The following NKAIN2 variants were observed in gnomAD, a reference collection of about 807,000 sequenced individuals.
The protein encoded by NKAIN2 is sodium/potassium-transporting ATPase subunit beta-1-interacting protein 2.
In NKAIN2, 14 loss-of-function variants were observed where a neutral mutation model predicts 32.6. The observed-to-expected ratio is 0.43, with a 90% CI of 0.28 to 0.67. NKAIN2 has a LOEUF of 0.67. Among genes scored for constraint, NKAIN2 ranks in the 30% least tolerant of loss-of-function variants. The probability of loss-of-function intolerance (pLI) is 0.17; values close to 1 mark genes in which losing one functional copy is unlikely to be tolerated. For synonymous variants in NKAIN2, 80 were observed against 87.2 expected (o/e 0.92, Z 0.46); for missense variants, 198 against 258.3 (o/e 0.77, Z 1.60).
At chr6:124,507,188 C>T (rs1013336930) in intron 3 of NKAIN2, among the ~76,000 whole-genome samples, 3 of 152,102 alleles carry the variant, frequency 2.0e-5, no homozygotes, top group African/African-American at 7.2e-5. Flanking sequence ...GCAAAGTACG[C>T]GAGGGTTTGT....
chr6:124,759,208 G>T (rs1012659623), intron 4 of NKAIN2, among the ~76,000 whole-genome samples: 1 of 152,084 alleles, frequency 6.6e-6, no homozygotes, highest in East Asian at 1.9e-4. Flanking sequence ...ATGTAATCTT[G>T]TTTTCCACAA....
intron 1 of NKAIN2, among the ~76,000 whole-genome samples, chr6:124,190,061 A>C (rs1007965216): frequency 6.6e-6 from 1 of 152,242 alleles, no homozygotes. Flanking sequence ...GCACATGGCC[A>C]CAAACATATG....
chr6:123,938,503 A>G (rs1423384947), intron 1 of NKAIN2, among the ~76,000 whole-genome samples: 1 of 138,022 alleles, frequency 7.2e-6, no homozygotes, highest in Non-Finnish European at 1.5e-5. Flanking sequence ...ATATTTATAT[A>G]TAATATATTA....
At chr6:124,071,878 GA>G (rs1313470565) in intron 1 of NKAIN2, among the ~76,000 whole-genome samples, 1 of 152,112 alleles carries the variant, frequency 6.6e-6, no homozygotes, top group Non-Finnish European at 1.5e-5. Context: ...TTATTGGTGG[GA>G]ATGTAAATTA....
intron 1 of NKAIN2, among the ~76,000 whole-genome samples, chr6:124,267,719 ATACAT>A (rs1344602207): frequency 6.6e-6 from 1 of 152,204 alleles, no homozygotes; most frequent in East Asian, 1.9e-4. Flanking sequence ...GCAGTGATAG[ATACAT>A]ATCTGACATA....
chr6:124,438,266 T>G (rs1775545226), intron 3 of NKAIN2, among the ~76,000 whole-genome samples: 1 of 138,102 alleles, frequency 7.2e-6, no homozygotes, highest in Non-Finnish European at 1.7e-5. Flanking sequence ...TTCTATAATG[T>G]TTTTTTTCCA....
intron 1 of NKAIN2, among the ~76,000 whole-genome samples, chr6:124,225,072 T>C (rs1792036410): frequency 6.6e-6 from 1 of 152,162 alleles, no homozygotes; most frequent in South Asian, 2.1e-4. Flanking sequence ...ATTCTAGAGA[T>C]GTTTATTGAG....
intron 4 of NKAIN2, among the ~76,000 whole-genome samples, chr6:124,777,966 C>CACACACACAA (rs1170970478): frequency 6.6e-6 from 1 of 151,612 alleles, no homozygotes; most frequent in Non-Finnish European, 1.5e-5. Flanking sequence ...CACACACACA[C>CACACACACAA]ACACACACAA....
chr6:124,455,623 TTTTATTAATTA>T (rs1436647270), intron 3 of NKAIN2, among the ~76,000 whole-genome samples: 6 of 151,810 alleles, frequency 4.0e-5, no homozygotes, highest in African/African-American at 1.4e-4. Flanking sequence ...TTATTAATAT[TTTTATTAATTA>T]TGAAAGTAAT....
chr6:124,060,193 C>A (rs544847139), intron 1 of NKAIN2, among the ~76,000 whole-genome samples: 25 of 152,280 alleles, frequency 1.6e-4, no homozygotes, highest in Admixed American at 1.4e-3. Flanking sequence ...CAATCACAAT[C>A]ACATTTGGCT....
At chr6:124,489,468 T>C (rs1054217446) in intron 3 of NKAIN2, among the ~76,000 whole-genome samples, 4 of 151,878 alleles carry the variant, frequency 2.6e-5, no homozygotes, top group Non-Finnish European at 5.9e-5. Flanking sequence ...TCATCATAAG[T>C]TGAAAATGTA....
rs118043019 is a variant in NKAIN2 at position 123,938,975 on chromosome 6, C to T, written c.54+134721C>T. On this transcript the variant is annotated intron_variant, in intron 1 of 6. Coordinates refer to ENST00000368417, the MANE Select transcript of NKAIN2 (RefSeq NM_001040214.3). ...TAAAATTTTGGTGACTAAGATAAGG[C>T]AAAGGGAGGTTTTAAGAATCAGGCA... Among the ~76,000 whole-genome samples, 1,125 of 151,868 alleles carry T rather than the reference C, an allele frequency of 7.4e-3. 6 individuals carry two copies. The highest frequency in any genetic ancestry group is 0.012 in the Non-Finnish European group (830 of 67,904).
At chr6:124,308,358 A>G (rs1173110884) in intron 2 of NKAIN2, among the ~76,000 whole-genome samples, 2 of 152,294 alleles carry the variant, frequency 1.3e-5, no homozygotes, top group South Asian at 2.1e-4. Context: ...TAGAAGATTT[A>G]TCAAACTCCA....
At chr6:124,313,916 C>T (rs921038311) in intron 2 of NKAIN2, among the ~76,000 whole-genome samples, 2 of 152,080 alleles carry the variant, frequency 1.3e-5, no homozygotes, top group Non-Finnish European at 2.9e-5. Flanking sequence ...CAAAAATGCC[C>T]TATTGAATAA....
chr6:124,040,988 T>C (rs1781846196), intron 1 of NKAIN2, among the ~76,000 whole-genome samples: 1 of 152,052 alleles, frequency 6.6e-6, no homozygotes, highest in African/African-American at 2.4e-5. Flanking sequence ...TGTACAACTA[T>C]TGAAGGACTC....
At chr6:124,534,232 C>G (rs184975796) in intron 3 of NKAIN2, among the ~76,000 whole-genome samples, 2 of 151,790 alleles carry the variant, frequency 1.3e-5, no homozygotes, top group Non-Finnish European at 2.9e-5. Context: ...GCTCAGTGAA[C>G]TTCTGCCTTC....
intron 1 of NKAIN2, among the ~76,000 whole-genome samples, chr6:123,878,501 GCTTGCTTTTTCTTTT>G (rs1274818408): frequency 1.3e-5 from 2 of 151,778 alleles, no homozygotes; most frequent in Non-Finnish European, 2.9e-5. Context: ...ATTTCTTCAG[GCTTGCTTTTTCTTTT>G]CTTGCTTTCC....
At chr6:124,072,864 C>T (rs1192774206) in intron 1 of NKAIN2, among the ~76,000 whole-genome samples, 3 of 151,944 alleles carry the variant, frequency 2.0e-5, no homozygotes, top group African/African-American at 7.3e-5. Flanking sequence ...TTCATTGATC[C>T]TTGCTTTCAT....
intron 3 of NKAIN2, among the ~76,000 whole-genome samples, chr6:124,463,136 C>T (rs1269246961): frequency 6.6e-6 from 1 of 151,874 alleles, no homozygotes; most frequent in Non-Finnish European, 1.5e-5. Flanking sequence ...CTGAGATTTA[C>T]GTGAATTAAA....
Sources: gnomAD v4.1 joint callset for allele counts (sites outside exome capture counted in the v4.1 genomes callset) on GRCh38, gnomAD v4.1.1 for gene constraint, MANE v1.5 for transcripts, NCBI Gene and HGNC (gene_info 2026-07-23, HGNC 2026-07-21) for gene names.